Variants in ELAPOR2 observed in about 807,000 individuals in gnomAD.
The protein encoded by ELAPOR2 is endosome-lysosome associated apoptosis and autophagy regulator family member 2, also known as endosome/lysosome-associated apoptosis and autophagy regulator family member 2.
A neutral mutation model predicts 120.7 loss-of-function variants in ELAPOR2; 89 were observed. The observed-to-expected ratio is 0.74, with a 90% CI of 0.62 to 0.88. The LOEUF (loss-of-function observed/expected upper bound fraction) is 0.88. Ranked by LOEUF, ELAPOR2 falls within the 40% of genes least tolerant of loss-of-function variation. ELAPOR2 has a pLI of 0.00. For synonymous variants in ELAPOR2, 444 were observed against 444.9 expected, an observed-to-expected ratio of 1.00 and a Z score of 0.03; for missense variants, 1,134 against 1,251.6, an observed-to-expected ratio of 0.91 and a Z score of 1.42.
At chr7:86,938,615 C>T (rs1398417638) in intron 7 of ELAPOR2, among the ~76,000 whole-genome samples, 193 bp downstream of exon 7, 1 of 152,014 alleles carries the variant, frequency 6.6e-6, no homozygotes, top group Non-Finnish European at 1.5e-5. Context: ...AAACAAATCA[C>T]AGACCTATAC....
chr7:86,936,519 A>G (rs1790565570), intron 8 of ELAPOR2, among the ~76,000 whole-genome samples: 1 of 152,114 alleles, frequency 6.6e-6, no homozygotes, highest in South Asian at 2.1e-4. Context: ...GAAGCTAGAA[A>G]CATTTATCTT....
chr7:86,928,581 T>TAA (rs1265202944), intron 8 of ELAPOR2, among the ~76,000 whole-genome samples: 1 of 151,934 alleles, frequency 6.6e-6, no homozygotes, highest in Non-Finnish European at 1.5e-5. Flanking sequence ...CTCAAGTTTA[T>TAA]AAATGAGGAA....
chr7:86,914,270 G>T (rs1257846844), intron 13 of ELAPOR2, among the ~76,000 whole-genome samples: 1 of 152,098 alleles, frequency 6.6e-6, no homozygotes, highest in African/African-American at 2.4e-5. Context: ...TTAACTCAAT[G>T]GTGGGTACAT....
intron 1 of ELAPOR2, among the ~76,000 whole-genome samples, chr7:86,976,002 G>C (rs1324186429): frequency 6.6e-6 from 1 of 152,172 alleles, no homozygotes; most frequent in Admixed American, 6.5e-5. Context: ...GGAGTACTGG[G>C]AGAGGGGAAA....
chr7:86,972,137 C>G (rs892296907), intron 1 of ELAPOR2, among the ~76,000 whole-genome samples: 3 of 152,248 alleles, frequency 2.0e-5, no homozygotes, highest in South Asian at 2.1e-4. Context: ...ACCACCACCC[C>G]ACAAGCCCAC....
At chr7:86,949,464 G>A (rs1417038563) in intron 2 of ELAPOR2, among the ~76,000 whole-genome samples, 5 of 152,190 alleles carry the variant, frequency 3.3e-5, no homozygotes, top group African/African-American at 1.2e-4. Context: ...GCGGGAGGAG[G>A]CAGAGCCCCG....
chr7:87,041,334 A>C (rs1794778891), intron 1 of ELAPOR2, among the ~76,000 whole-genome samples: 1 of 152,132 alleles, frequency 6.6e-6, no homozygotes, highest in African/African-American at 2.4e-5. Context: ...AGTTGAAATG[A>C]AGGAAAAAAT....
At chr7:87,022,855 T>C (rs182078845) in intron 1 of ELAPOR2, among the ~76,000 whole-genome samples, 2,860 of 151,902 alleles carry the variant, frequency 0.019, 96 homozygotes, top group African/African-American at 0.065. Context: ...TTTCATGTGT[T>C]TTTTGGCTGT....
At chr7:86,924,519 A>G (rs1469730865) in intron 10 of ELAPOR2, among the ~76,000 whole-genome samples, 2 of 151,234 alleles carry the variant, frequency 1.3e-5, no homozygotes, top group African/African-American at 4.9e-5. Flanking sequence ...CATTTTAGGA[A>G]AAAAAAAACC....
intron 8 of ELAPOR2, among the ~76,000 whole-genome samples, chr7:86,928,746 T>G (rs1325192553): frequency 1.3e-5 from 2 of 152,000 alleles, no homozygotes; most frequent in African/African-American, 4.8e-5. Context: ...TGACTTTCAA[T>G]ACATGCAAAC....
chr7:86,902,460 G>A (rs948764937), intron 18 of ELAPOR2, among the ~76,000 whole-genome samples: 4 of 152,206 alleles, frequency 2.6e-5, no homozygotes, highest in African/African-American at 9.6e-5. Context: ...ACAGGCGTAA[G>A]CCACTGCGCC....
intron 1 of ELAPOR2, among the ~76,000 whole-genome samples, chr7:87,022,639 C>T (rs1005441938): frequency 2.0e-5 from 3 of 151,908 alleles, no homozygotes; most frequent in African/African-American, 4.8e-5. Context: ...TTCTAGATCC[C>T]TGAGGAATCG....
rs552739573 is a variant in ELAPOR2 at position 86,927,413 on chromosome 7, T to A, written c.1090-497A>T. On this transcript the variant is annotated intron_variant, in intron 8 of 21. Coordinates refer to ENST00000450689, the MANE Select transcript of ELAPOR2 (RefSeq NM_001142749.3). ...ATTTCAATCCTGCTAGTTCATAATA[T>A]TGGTAGTGGTTCTCGGAGTCTTTTT... Among the ~76,000 whole-genome samples the A allele has an allele frequency of 2.0e-5, 3 of 152,092 alleles. No homozygotes were observed. The East Asian group carries it at 5.8e-4, about 30-fold the overall frequency.
At position 86,924,460 on chromosome 7, in the gene ELAPOR2, A is replaced by G. The variant is rs139853394; in HGVS notation, c.1399+1068T>C. On this transcript the variant is annotated intron_variant, in intron 10 of 21. Transcript: ENST00000450689. Reference sequence around the variant, plus strand: ...TCTATACCCTTGCCTTCCCAATCTTATTTTCCCAATAGGACTTAATTTTCT... The same window carrying G: ...TCTATACCCTTGCCTTCCCAATCTTGTTTTCCCAATAGGACTTAATTTTCT... 1.8e-3 allele frequency among the ~76,000 whole-genome samples: 274 copies of G among 150,948 alleles called. 1 individual carries two copies. Among genetic ancestry groups the G allele is most frequent in the African/African-American group, 6.2e-3 (257 of 41,206 alleles).
chr7:86,912,364 T>C, intron 14 of ELAPOR2, 119 bp from the exon 15 acceptor site: 1 of 554,752 alleles, frequency 1.8e-6, no homozygotes, highest in Non-Finnish European at 3.2e-6. Context: ...TTAGCTATAA[T>C]ATACTTTACC....
At chr7:87,036,129 G>A (rs751872017) in intron 1 of ELAPOR2, among the ~76,000 whole-genome samples, 15 of 152,070 alleles carry the variant, frequency 9.9e-5, no homozygotes, top group East Asian at 3.9e-4. Flanking sequence ...CTAATATTCC[G>A]TCATTCATCA....
At chr7:86,979,465 T>C (rs1041718475) in intron 1 of ELAPOR2, among the ~76,000 whole-genome samples, 1 of 152,164 alleles carries the variant, frequency 6.6e-6, no homozygotes, top group Non-Finnish European at 1.5e-5. Context: ...GAAATATAAA[T>C]TAAAGCCTAA....
intron 21 of ELAPOR2, among the ~76,000 whole-genome samples, chr7:86,883,414 C>T (rs2115738279): frequency 6.6e-6 from 1 of 152,224 alleles, no homozygotes; most frequent in East Asian, 1.9e-4. Flanking sequence ...TAACAAACTT[C>T]TTAAAAATAG....
At chr7:86,917,428 A>C (rs530961174) in intron 12 of ELAPOR2, among the ~76,000 whole-genome samples, 89 of 152,266 alleles carry the variant, frequency 5.8e-4, no homozygotes, top group African/African-American at 2.1e-3. Context: ...AAAAAGAAAA[A>C]ATAATAATTT....
Sources: allele counts gnomAD v4.1 joint callset (sites outside exome capture counted in the v4.1 genomes callset), GRCh38; gene constraint gnomAD v4.1.1; transcripts MANE v1.5; gene names NCBI Gene and HGNC (gene_info 2026-07-23, HGNC 2026-07-21).